POLA2: variants seen among roughly 807,000 people sequenced by gnomAD.
POLA2 encodes DNA polymerase alpha 2, accessory subunit.
A neutral mutation model predicts 82.8 loss-of-function variants in POLA2; 47 were observed. The observed-to-expected ratio is 0.57, with a 90% CI of 0.45 to 0.72. The LOEUF (loss-of-function observed/expected upper bound fraction) is 0.72. POLA2 is among the 30% of genes least tolerant of loss of function. The pLI is 0.00. For synonymous variants in POLA2, 287 were observed against 286.8 expected, an observed-to-expected ratio of 1.00 and a Z score of -0.01; for missense variants, 634 against 728.1, an observed-to-expected ratio of 0.87 and a Z score of 1.49.
intron 17 of POLA2, 71 bp downstream of exon 17, chr11:65,296,061 G>A (rs771469425): frequency 2.6e-6 from 4 of 1,568,620 alleles, no homozygotes; most frequent in East Asian, 4.5e-5. Flanking sequence ...TAGACCACCC[G>A]GCACTCACCC....
chr11:65,282,473 T>G lies in POLA2; in HGVS notation c.964-6T>G, dbSNP rs779159971. The stretch of plus-strand genomic sequence containing the variant: ...GACCTTACTTGAGCTTTTCCCCTGT[T>G]TTTAGGGTGTGCCACTTCCATTTTA... On this transcript the variant is annotated splice_polypyrimidine_tract_variant and splice_region_variant and intron_variant, in intron 9 of 17. Transcript: ENST00000265465. 1 of 1,613,444 alleles carries G rather than the reference T, an allele frequency of 6.2e-7. No homozygotes were observed. Among genetic ancestry groups the G allele is most frequent in the Non-Finnish European group, 8.5e-7 (1 of 1,179,444 alleles).
At chr11:65,271,335 C>T (rs1436939016) in intron 4 of POLA2, among the ~76,000 whole-genome samples, 5 of 152,212 alleles carry the variant, frequency 3.3e-5, no homozygotes, top group African/African-American at 1.2e-4. Context: ...ATCTGGTTAA[C>T]AGCTTCACAG....
chr11:65,305,707 G>A (rs553469931), downstream of POLA2: 141 of 242,604 alleles, frequency 5.8e-4, no homozygotes, highest in Non-Finnish European at 1.7e-4. Context: ...AGACACCACT[G>A]CATGTATCTT....
downstream of POLA2, among the ~76,000 whole-genome samples, chr11:65,299,170 G>A (rs1478990501): frequency 2.0e-5 from 3 of 152,230 alleles, no homozygotes; most frequent in Admixed American, 6.5e-5. Context: ...TGTCAGTGAC[G>A]GAGGGTGGGA....
At chr11:65,268,198 T>C (rs1949482636) in intron 3 of POLA2, among the ~76,000 whole-genome samples, 1 of 151,968 alleles carries the variant, frequency 6.6e-6, no homozygotes, top group Admixed American at 6.6e-5. Flanking sequence ...GAACCTGGGA[T>C]GTGGAAGTTG....
chr11:65,280,839 A>G (rs1272756863), intron 7 of POLA2, 153 bp from the exon 8 acceptor site: 2 of 661,710 alleles, frequency 3.0e-6, no homozygotes, highest in East Asian at 5.6e-5. Context: ...AGAGTCAGTG[A>G]TGACGCGGTA....
At chr11:65,263,965 A>AT (rs1276504682) in intron 1 of POLA2, among the ~76,000 whole-genome samples, 36 of 152,348 alleles carry the variant, frequency 2.4e-4, no homozygotes, top group Admixed American at 1.4e-3. Flanking sequence ...AGTTGCTTTC[A>AT]TCTCATGGCA....
At chr11:65,288,966 C>T in intron 11 of POLA2, 84 bp from the exon 12 acceptor site, 1 of 1,273,028 alleles carries the variant, frequency 7.9e-7, no homozygotes, top group Non-Finnish European at 1.1e-6. Flanking sequence ...CCACAGAGAA[C>T]TGCCAGAGGA....
intron 17 of POLA2, 111 bp from the exon 18 acceptor site, chr11:65,297,009 C>A: frequency 8.7e-7 from 1 of 1,155,198 alleles, no homozygotes; most frequent in South Asian, 1.4e-5. Context: ...CCTTCGTTTC[C>A]ATTTTCTAAA....
chr11:65,295,739 A>G lies in POLA2; in HGVS notation c.1521-125A>G, dbSNP rs781740628. On this transcript the variant is annotated intron_variant, in intron 16 of 17. Transcript: ENST00000265465. ...TGATGACAAGCCTGCATTCTGCCCC[A>G]CACACACAGAGAAAAAGTCGGTCTG... The G allele has an allele frequency of 3.0e-6, 4 of 1,336,292 alleles. No individual in the cohort carries two copies. The African/African-American group carries it at 5.8e-5, about 19-fold the overall frequency. 82.8% of individuals were successfully genotyped at this position (1,336,292 alleles called of 1,614,324 possible).
chr11:65,262,021 C>A lies in POLA2; in HGVS notation c.-272C>A, dbSNP rs949367609. 3.8e-6 allele frequency: 2 copies of A among 527,820 alleles called. No individual in the cohort carries two copies. The highest frequency in any genetic ancestry group is 2.4e-5 in the South Asian group (1 of 41,366). The allele number at this position is 527,820 out of a possible 1,614,324, so 32.7% of individuals were successfully genotyped here. A position where few individuals can be genotyped will look rare whatever the true frequency, so the allele number is the denominator to read the frequency against. ...GCTTTTGGGAAGCAGGACGTTCTCA[C>A]CAGGAGAGCGTCCTCTCGAGATTTC... On this transcript the variant is annotated 5_prime_UTR_variant, in exon 1 of 18. Coordinates refer to ENST00000265465, the MANE Select transcript of POLA2 (RefSeq NM_002689.4).
intron 2 of POLA2, among the ~76,000 whole-genome samples, chr11:65,267,078 C>T (rs1365699298): frequency 2.0e-5 from 3 of 152,006 alleles, no homozygotes; most frequent in Non-Finnish European, 4.4e-5. Flanking sequence ...TGGTGGCAGG[C>T]GCCTGTAATC....
chr11:65,278,884 T>C lies in POLA2; in HGVS notation c.616T>C (p.Tyr206His). 6.2e-7 allele frequency: 1 copy of C among 1,613,646 alleles called. No individual in the cohort carries two copies. Among genetic ancestry groups the C allele is most frequent in the Non-Finnish European group, 8.5e-7 (1 of 1,179,984 alleles). ...LGCPEALTGS[Y>H]KSMFQKLPDI... ...ATGTCCAGAGGCACTAACTGGGAGC[T>C]ACAAATCCATGTTTCAGAAGCTCCC... The change falls in exon 6 of 18, where the codon TAC (tyrosine) becomes CAC (histidine). Residue 206 changes from tyrosine (Y) to histidine (H), a missense_variant. Transcript: ENST00000265465.
At chr11:65,303,486 C>T (rs1037540128), downstream of POLA2, among the ~76,000 whole-genome samples, 8 of 152,136 alleles carry the variant, frequency 5.3e-5, no homozygotes, top group African/African-American at 1.7e-4. Flanking sequence ...TGTGCCACTG[C>T]GCTCCAGCCT....
chr11:65,299,331 C>T (rs982298083), downstream of POLA2, among the ~76,000 whole-genome samples: 4 of 152,228 alleles, frequency 2.6e-5, no homozygotes, highest in African/African-American at 7.2e-5. Flanking sequence ...ATGCCCATGC[C>T]CTTGCCCTGC....
chr11:65,297,189 C>T lies in POLA2; in HGVS notation c.1717C>T (p.Arg573Ter), dbSNP rs766280787. 20 of 1,613,974 alleles carry T rather than the reference C, an allele frequency of 1.2e-5. No homozygotes were observed. Among genetic ancestry groups the T allele is most frequent in the East Asian group, 2.2e-5 (1 of 44,888 alleles). ...AGGGCAGGTGGGAGGCACCTTCGCC[C>T]GACTCTACCTTAGGAGGCCGGCAGC... ...TKGQVGGTFA[R>*]LYLRRPAADG... Residue 573 changes from arginine to a stop codon, truncating the protein, a stop_gained, in exon 18 of 18, where the codon CGA becomes TGA. Transcript: ENST00000265465. LOFTEE classifies it low-confidence loss of function (END_TRUNC).
At chr11:65,285,354 G>A (rs1368304097) in intron 10 of POLA2, among the ~76,000 whole-genome samples, 3 of 151,838 alleles carry the variant, frequency 2.0e-5, no homozygotes, top group African/African-American at 4.8e-5. Flanking sequence ...GCAGTGAGCC[G>A]AGATCGCCAA....
intron 4 of POLA2, among the ~76,000 whole-genome samples, chr11:65,271,144 C>CT (rs1296663459): frequency 6.6e-6 from 1 of 152,184 alleles, no homozygotes; most frequent in Non-Finnish European, 1.5e-5. Flanking sequence ...TATATACTTA[C>CT]TTTTTTGTTT....
In POLA2 at chr11:65,268,621, C is replaced by T. The variant is rs772883329; in HGVS notation, c.297-51C>T. 7 of 1,187,248 alleles carry T rather than the reference C, an allele frequency of 5.9e-6. No individual in the cohort carries two copies. In the East Asian group the frequency reaches 1.7e-4, roughly 29 times the overall value. The allele number at this position is 1,187,248 out of a possible 1,614,324, so 73.5% of individuals were successfully genotyped here. ...CCTCCCAAAGTGCTGGGATTACAGG[C>T]ATGAGCTACCGTGCCCAGCCATTAT... On this transcript the variant is annotated intron_variant, in intron 3 of 17. Coordinates refer to ENST00000265465, the MANE Select transcript of POLA2 (RefSeq NM_002689.4).
Sources: gnomAD v4.1 joint callset for allele counts (sites outside exome capture counted in the v4.1 genomes callset) on GRCh38, gnomAD v4.1.1 for gene constraint, MANE v1.5 for transcripts, NCBI Gene and HGNC (gene_info 2026-07-23, HGNC 2026-07-21) for gene names.